UST: variants seen among roughly 807,000 people sequenced by gnomAD.
UST encodes uronyl 2-sulfotransferase.
A neutral mutation model predicts 45.6 loss-of-function variants in UST; 21 were observed. The ratio of observed to expected loss-of-function variants is 0.46; its 90% CI spans 0.33 to 0.66. The LOEUF (loss-of-function observed/expected upper bound fraction) is 0.66, where lower values mean the gene tolerates loss of function less well. Ranked by LOEUF, UST falls within the 30% of genes least tolerant of loss-of-function variation. The pLI is 0.02. For missense variants in UST, 463 were observed against 512.4 expected (o/e 0.90, Z 0.93); for synonymous variants, 215 against 200.6 (o/e 1.07, Z -0.61).
chr6:149,054,579 T>G (rs569599792), intron 7 of UST, among the ~76,000 whole-genome samples: 1 of 152,154 alleles, frequency 6.6e-6, no homozygotes, highest in African/African-American at 2.4e-5. Flanking sequence ...TCTGCTATTG[T>G]CGGGGGGCAG....
At chr6:149,063,626 C>T (rs1228918698) in intron 7 of UST, among the ~76,000 whole-genome samples, 5 of 152,176 alleles carry the variant, frequency 3.3e-5, no homozygotes, top group Non-Finnish European at 7.3e-5. Context: ...CTGTGAAACT[C>T]CTTCAGATAC....
chr6:148,940,453 A>G (rs1301379916), intron 2 of UST, among the ~76,000 whole-genome samples: 1 of 152,134 alleles, frequency 6.6e-6, no homozygotes, highest in East Asian at 1.9e-4. Context: ...GGATCATGCC[A>G]CTGCACTCCA....
chr6:148,751,481 A>T (rs902054078), intron 1 of UST, among the ~76,000 whole-genome samples: 2 of 152,196 alleles, frequency 1.3e-5, no homozygotes, highest in Non-Finnish European at 2.9e-5. Context: ...CATAGGAGAC[A>T]GTGGTGAACA....
At chr6:148,894,156 A>T (rs1001906354) in intron 2 of UST, among the ~76,000 whole-genome samples, 1 of 152,202 alleles carries the variant, frequency 6.6e-6, no homozygotes, top group Non-Finnish European at 1.5e-5. Context: ...AAAAGATGAT[A>T]GGCAGTGGAG....
intron 1 of UST, among the ~76,000 whole-genome samples, chr6:148,858,991 TA>T (rs1235593296): frequency 6.6e-6 from 1 of 152,210 alleles, no homozygotes. Flanking sequence ...CAGCATGATT[TA>T]TAATCCTTTG....
intron 2 of UST, among the ~76,000 whole-genome samples, chr6:148,894,881 G>A (rs887142270): frequency 9.7e-5 from 14 of 144,124 alleles, no homozygotes; most frequent in East Asian, 2.1e-4. Context: ...GTAGTGGCGC[G>A]ATCTTGGCTC....
chr6:148,967,588 T>A, intron 5 of UST, among the ~76,000 whole-genome samples: 1 of 152,236 alleles, frequency 6.6e-6, no homozygotes, highest in East Asian at 1.9e-4. Context: ...TAGTCAGTTG[T>A]TTGACTCAAA....
chr6:148,972,823 T>C (rs1780945279), intron 5 of UST, among the ~76,000 whole-genome samples: 2 of 152,022 alleles, frequency 1.3e-5, no homozygotes, highest in Admixed American at 1.3e-4. Flanking sequence ...TACTGATTCC[T>C]GGGTCCCACA....
At chr6:148,892,211 T>C (rs1434502382) in intron 2 of UST, among the ~76,000 whole-genome samples, 1 of 152,242 alleles carries the variant, frequency 6.6e-6, no homozygotes, top group African/African-American at 2.4e-5. Context: ...AATTTCATCA[T>C]CATCATTAGA....
intron 7 of UST, among the ~76,000 whole-genome samples, chr6:149,022,734 T>C (rs1199167437): frequency 6.6e-6 from 1 of 152,184 alleles, no homozygotes; most frequent in Non-Finnish European, 1.5e-5. Context: ...GAAACTGGTC[T>C]TTGCCCAGAG....
intron 6 of UST, 139 bp downstream of exon 6, chr6:149,019,375 T>G: frequency 1.5e-6 from 1 of 662,624 alleles, no homozygotes; most frequent in East Asian, 2.7e-5. Context: ...ACTATTAATC[T>G]TTCAAGATAA....
At chr6:148,918,581 C>G (rs566426485) in intron 2 of UST, among the ~76,000 whole-genome samples, 2 of 152,170 alleles carry the variant, frequency 1.3e-5, no homozygotes, top group African/African-American at 4.8e-5. Flanking sequence ...TTTTATTATT[C>G]TTACTTGCAT....
At chr6:148,914,539 T>A (rs1197001002) in intron 2 of UST, among the ~76,000 whole-genome samples, 1 of 152,194 alleles carries the variant, frequency 6.6e-6, no homozygotes, top group East Asian at 1.9e-4. Flanking sequence ...TGTAGTCCAA[T>A]TTAATTTGCA....
intron 2 of UST, among the ~76,000 whole-genome samples, chr6:148,910,524 A>G (rs1779452153): frequency 6.6e-6 from 1 of 152,064 alleles, no homozygotes; most frequent in African/African-American, 2.4e-5. Context: ...TCTCTCTCAT[A>G]CTGCAGCCCA....
rs1778432124 is a variant in UST at position 148,866,423 on chromosome 6, A to G, written c.248-20563A>G. On this transcript the variant is annotated intron_variant, in intron 1 of 7. Coordinates refer to ENST00000367463, the MANE Select transcript of UST (RefSeq NM_005715.3). Reference sequence around the variant, plus strand: ...ATCTGTGCTGCCCCTACCATTGGCTAGTTGTCCCTTCCTGGGGAAATTTTT... The same window carrying G: ...ATCTGTGCTGCCCCTACCATTGGCTGGTTGTCCCTTCCTGGGGAAATTTTT... Among the ~76,000 whole-genome samples, 3 of 152,114 alleles carry G rather than the reference A, an allele frequency of 2.0e-5. No individual in the cohort carries two copies. In the South Asian group the frequency reaches 6.2e-4, roughly 32 times the overall value.
intron 5 of UST, among the ~76,000 whole-genome samples, chr6:149,015,821 GA>G (rs1455807780): frequency 1.3e-5 from 2 of 152,180 alleles, no homozygotes; most frequent in African/African-American, 4.8e-5. Flanking sequence ...CTAGGAGACT[GA>G]AAGGCATCCG....
chr6:148,981,246 G>T (rs1781127445), intron 5 of UST, among the ~76,000 whole-genome samples: 1 of 152,156 alleles, frequency 6.6e-6, no homozygotes, highest in Non-Finnish European at 1.5e-5. Flanking sequence ...CTTATGAAAA[G>T]GTGTGACTGT....
At chr6:148,793,259 A>T (rs1429840576) in intron 1 of UST, among the ~76,000 whole-genome samples, 2 of 149,256 alleles carry the variant, frequency 1.3e-5, no homozygotes, top group Non-Finnish European at 3.0e-5. Flanking sequence ...ATTGAATAGG[A>T]GTTACTTTTG....
At chr6:149,033,270 T>C (rs1341744192) in intron 7 of UST, among the ~76,000 whole-genome samples, 3 of 152,242 alleles carry the variant, frequency 2.0e-5, no homozygotes, top group Non-Finnish European at 4.4e-5. Flanking sequence ...CATTCTTTGC[T>C]TATAAAATGT....
Sources: gnomAD v4.1 joint callset for allele counts (sites outside exome capture counted in the v4.1 genomes callset) on GRCh38, gnomAD v4.1.1 for gene constraint, MANE v1.5 for transcripts, NCBI Gene and HGNC (gene_info 2026-07-23, HGNC 2026-07-21) for gene names.